The following GAL3ST4 variants were observed in gnomAD, a reference collection of about 807,000 sequenced individuals.
GAL3ST4 encodes beta-galactose-3-O-sulfotransferase 4.
GAL3ST4 carries 30 observed loss-of-function variants against 31.6 expected under a neutral mutation model. That is an observed-to-expected ratio of 0.95 (90% CI 0.71 to 1.29). The LOEUF is 1.29. Ranked by LOEUF, GAL3ST4 falls within the 50% of genes most tolerant of loss-of-function variation. The probability of loss-of-function intolerance (pLI) is 0.00; values close to 1 mark genes in which losing one functional copy is unlikely to be tolerated. For missense variants in GAL3ST4, 629 were observed against 625.2 expected (o/e 1.01, Z -0.06); for synonymous variants, 248 against 256.9 (o/e 0.97, Z 0.33).
chr7:100,159,858 G>A lies in GAL3ST4; in HGVS notation c.*70C>T, dbSNP rs1438554438. The A allele has an allele frequency of 1.5e-6, 2 of 1,292,508 alleles. No homozygotes were observed. Among genetic ancestry groups the A allele is most frequent in the Non-Finnish European group, 2.2e-6 (2 of 927,084 alleles). 80.1% of individuals were successfully genotyped at this position (1,292,508 alleles called of 1,614,324 possible). On this transcript the variant is annotated 3_prime_UTR_variant, in exon 4 of 4. Coordinates refer to ENST00000360039, the MANE Select transcript of GAL3ST4 (RefSeq NM_024637.5). ...CTGGGAGATGCAGAAATGGCATCTT[G>A]CTGCCCCCCACTCATCACATGTGCC...
chr7:100,166,404 G>C (rs948658897), intron 3 of GAL3ST4, 98 bp downstream of exon 3: 1 of 1,284,388 alleles, frequency 7.8e-7, no homozygotes, highest in Admixed American at 2.2e-5. Flanking sequence ...AGGGTGAGAT[G>C]ATGCCTGGGG....
At position 100,160,492 on chromosome 7, in the gene GAL3ST4, G is replaced by A; in HGVS notation, c.897C>T (p.Asp299=). Reference sequence around the variant, plus strand: ...CGAAGTACTCAGCCACCATGACCAGGTCAAAGACAGAGTCCAGCCATGCCA... The same window carrying A: ...CGAAGTACTCAGCCACCATGACCAGATCAAAGACAGAGTCCAGCCATGCCA... ...WGLAWLDSVF[D]LVMVAEYFDE... is the part of the protein sequence containing the mutation. Residue 299 remains aspartate (D), a synonymous_variant, in exon 4 of 4, where the codon GAC becomes GAT. Coordinates refer to ENST00000360039, the MANE Select transcript of GAL3ST4 (RefSeq NM_024637.5). 1 of 1,614,066 alleles carries A rather than the reference G, an allele frequency of 6.2e-7. No individual in the cohort carries two copies. The highest frequency in any genetic ancestry group is 8.5e-7 in the Non-Finnish European group (1 of 1,180,028).
rs1798973353 is a variant in GAL3ST4, at chr7:100,160,153, C to T, written c.1236G>A (p.Glu412=). ...CAGTGATGTATTTGGGGTCAGAAGCCTCACCCCCTACCAGACAATGTTTCG... is the reference window on the plus strand; with the variant it reads ...CAGTGATGTATTTGGGGTCAGAAGCTTCACCCCCTACCAGACAATGTTTCG... ...ALAKHCLVGG[E]ASDPKYITDR... is the part of the protein sequence containing the mutation. The change falls in exon 4 of 4, where the codon GAG becomes GAA. Residue 412 remains glutamate, a synonymous_variant. Transcript: ENST00000360039. 6.2e-7 allele frequency: 1 copy of T among 1,613,752 alleles called. No homozygotes were observed. Among genetic ancestry groups the T allele is most frequent in the African/African-American group, 1.3e-5 (1 of 74,920 alleles).
intron 3 of GAL3ST4, 50 bp downstream of exon 3, chr7:100,166,452 G>C (rs1406642091): frequency 1.3e-6 from 2 of 1,555,154 alleles, no homozygotes; most frequent in Non-Finnish European, 8.7e-7. Flanking sequence ...GGTGGTGTCA[G>C]CCTGAGCCCA....
In GAL3ST4 at chr7:100,166,572, C is replaced by T. The variant is rs763411487; in HGVS notation, c.359G>A (p.Arg120His). 78 of 1,614,054 alleles carry T rather than the reference C, an allele frequency of 4.8e-5. No individual in the cohort carries two copies. The highest frequency in any genetic ancestry group is 1.8e-4 in the Admixed American group (11 of 60,004). The change falls in exon 3 of 4, where the codon CGC (arginine) becomes CAC (histidine). Residue 120 changes from arginine to histidine, a missense_variant. Coordinates refer to ENST00000360039, the MANE Select transcript of GAL3ST4 (RefSeq NM_024637.5). The part of the protein sequence containing the change: ...LFQASRVKGY[R>H]PQGGGTQLPF... ...GAGCTGGGTGCCTCCACCCTGTGGG[C>T]GGTAGCCTTTTACCCTAGAGGCCTG...
chr7:100,167,905 A>AT (rs1198797350), intron 1 of GAL3ST4: 3 of 152,278 alleles, frequency 2.0e-5, no homozygotes, highest in Non-Finnish European at 2.9e-5. Context: ...TATAAAGCCC[A>AT]GATCCCTGGA....
intron 3 of GAL3ST4, among the ~76,000 whole-genome samples, chr7:100,164,676 A>T (rs1008823345): frequency 1.3e-5 from 2 of 151,804 alleles, no homozygotes; most frequent in African/African-American, 4.8e-5. Flanking sequence ...ATAAAATAAA[A>T]ATCAAAATTA....
Position 100,168,389 on chromosome 7 carries a change from C to T in GAL3ST4, c.-189+157G>A, listed in dbSNP as rs746875017. Among the ~76,000 whole-genome samples the T allele has an allele frequency of 1.3e-5, 2 of 152,240 alleles. No homozygotes were observed. The highest frequency in any genetic ancestry group is 2.9e-5 in the Non-Finnish European group (2 of 68,046). ...GTTCTTCATTTCCTTCCATCCATCT[C>T]TCCCTTCCCATGATTGGAGATCCCA... On this transcript the variant is annotated intron_variant, in intron 1 of 3. Coordinates refer to ENST00000360039, the MANE Select transcript of GAL3ST4 (RefSeq NM_024637.5). The surrounding 1 kb of genome is among the most constrained non-coding windows in gnomAD (Gnocchi z 4.1).
chr7:100,166,925 C>T, intron 2 of GAL3ST4, 46 bp downstream of exon 2: 1 of 1,580,210 alleles, frequency 6.3e-7, no homozygotes, highest in East Asian at 2.3e-5. Context: ...TGGGGAAGAG[C>T]AAGTACGGGG....
At chr7:100,161,966 G>A (rs538982407) in intron 3 of GAL3ST4, among the ~76,000 whole-genome samples, 74 of 152,160 alleles carry the variant, frequency 4.9e-4, no homozygotes, top group Middle Eastern at 3.4e-3. Flanking sequence ...GGGGCCTGTC[G>A]GGGTGGGGAG....
intron 3 of GAL3ST4, among the ~76,000 whole-genome samples, chr7:100,164,484 G>T (rs986925623): frequency 1.3e-5 from 2 of 152,018 alleles, no homozygotes; most frequent in Non-Finnish European, 2.9e-5. Flanking sequence ...GGTCAACATG[G>T]CGAAACCCTG....
rs776484864 is a variant in GAL3ST4, at chr7:100,160,903, C to T, written c.486G>A (p.Ala162=). The part of the protein sequence containing the change: ...SFFFSIVRDP[A]ALARSAFSYY... ...AGGAGAAGGCAGAGCGAGCCAGAGC[C>T]GCTGGGTCTCGGACAATGGAAAAAA... Residue 162 remains alanine, a synonymous_variant, in exon 4 of 4, where the codon GCG becomes GCA. Transcript: ENST00000360039. The T allele has an allele frequency of 5.0e-6, 8 of 1,613,646 alleles. No individual in the cohort carries two copies. In the East Asian group the frequency reaches 6.7e-5, roughly 13 times the overall value.
chr7:100,160,208 G>A lies in GAL3ST4; in HGVS notation c.1181C>T (p.Ala394Val). The A allele has an allele frequency of 6.2e-7, 1 of 1,614,092 alleles. No individual in the cohort carries two copies. The highest frequency in any genetic ancestry group is 8.5e-7 in the Non-Finnish European group (1 of 1,180,026). ...GGCCTCTCGGCGAGCCCGGAGCTCG[G>A]CCACAGCTGTCTGCAGCCGGCCCTG... ...YGQGRLQTAV[A>V]ELRARREALA... The change falls in exon 4 of 4, where the codon GCC (alanine) becomes GTC (valine). Residue 394 changes from alanine (A) to valine (V), a missense_variant. Physicochemically the swap from Ala to Val is moderately conservative, Grantham distance 64. Coordinates refer to ENST00000360039, the MANE Select transcript of GAL3ST4 (RefSeq NM_024637.5).
rs1057456104 is a variant in GAL3ST4, at chr7:100,166,367, A to C, written c.429+135T>G. 5.4e-6 allele frequency: 5 copies of C among 923,484 alleles called. No homozygotes were observed. In the African/African-American group the frequency reaches 8.3e-5, roughly 15 times the overall value. 57.2% of individuals were successfully genotyped at this position (923,484 alleles called of 1,614,324 possible). A position where few individuals can be genotyped will look rare whatever the true frequency, so the allele number is the denominator to read the frequency against. ...CTGTAGAGAGGATGGCAGGGAGCCC[A>C]ACTTTGTGGCCCCTATGTCCAACTT... On this transcript the variant is annotated intron_variant, in intron 3 of 3. Coordinates refer to ENST00000360039, the MANE Select transcript of GAL3ST4 (RefSeq NM_024637.5).
chr7:100,161,110 G>A (rs752600080), intron 3 of GAL3ST4, 151 bp from the exon 4 acceptor site: 2 of 636,744 alleles, frequency 3.1e-6, no homozygotes, highest in Non-Finnish European at 5.2e-6. Flanking sequence ...TTGCTGAGTG[G>A]CAAGTTACTT....
rs1422621441 is a variant in GAL3ST4, at chr7:100,159,659, G to A, written c.*269C>T. The A allele has an allele frequency of 1.7e-5, 6 of 343,276 alleles. No individual in the cohort carries two copies. Among genetic ancestry groups the A allele is most frequent in the African/African-American group, 4.2e-5 (2 of 47,202 alleles). 21.3% of individuals were successfully genotyped at this position (343,276 alleles called of 1,614,324 possible). On this transcript the variant is annotated 3_prime_UTR_variant, in exon 4 of 4. Transcript: ENST00000360039. ...CGCTTGAACCTGGGAGGCAGAGGTT[G>A]CAGTGAGCCGAGATCATGCCACTGC...
chr7:100,160,824 G>A lies in GAL3ST4; in HGVS notation c.565C>T (p.Leu189=). 6.2e-7 allele frequency: 1 copy of A among 1,614,256 alleles called. No homozygotes were observed. Among genetic ancestry groups the A allele is most frequent in the East Asian group, 2.2e-5 (1 of 44,890 alleles). The part of the protein sequence containing the change: ...FRKSPSLAAF[L]ANPRGFYRPG... The stretch of plus-strand genomic sequence containing the variant: ...CTGTAGAAGCCTCGAGGATTGGCCA[G>A]GAAGGCAGCCAAAGATGGTGACTTG... The change falls in exon 4 of 4, where the codon CTG becomes TTG. Residue 189 remains leucine, a synonymous_variant. Coordinates refer to ENST00000360039, the MANE Select transcript of GAL3ST4 (RefSeq NM_024637.5).
Position 100,160,693 on chromosome 7 carries a change from G to T in GAL3ST4, c.696C>A (p.Pro232=), listed in dbSNP as rs773408980. 4.7e-5 allele frequency: 76 copies of T among 1,613,830 alleles called. No homozygotes were observed. The highest frequency in any genetic ancestry group is 6.2e-5 in the Non-Finnish European group (73 of 1,180,004). The part of the protein sequence containing the change: ...KRAKRGNIHP[P]RDPNPPQLQV... ...GCAGCTGTGGGGGGTTGGGGTCTCT[G>T]GGGGGATGAATATTCCCTCTCTTGG... Residue 232 remains proline (P), a synonymous_variant, in exon 4 of 4, where the codon CCC becomes CCA. Transcript: ENST00000360039.
Position 100,160,916 on chromosome 7 carries a change from A to G in GAL3ST4, c.473T>C (p.Val158Ala). ...GCGAGCCAGAGCCGCTGGGTCTCGGACAATGGAAAAAAAGAAGCTGTCAGA... is the reference window on the plus strand; with the variant it reads ...GCGAGCCAGAGCCGCTGGGTCTCGGGCAATGGAAAAAAAGAAGCTGTCAGA... The part of the protein sequence containing the change: ...MPSDSFFFSI[V>A]RDPAALARSA... Residue 158 changes from valine to alanine, a missense_variant, in exon 4 of 4, where the codon GTC becomes GCC. Physicochemically the swap from Val to Ala is moderately conservative, Grantham distance 64. Coordinates refer to ENST00000360039, the MANE Select transcript of GAL3ST4 (RefSeq NM_024637.5). 1 of 1,607,000 alleles carries G rather than the reference A, an allele frequency of 6.2e-7. No individual in the cohort carries two copies. Among genetic ancestry groups the G allele is most frequent in the South Asian group, 1.1e-5 (1 of 90,224 alleles).
Sources: allele counts gnomAD v4.1 joint callset (sites outside exome capture counted in the v4.1 genomes callset), GRCh38; gene constraint gnomAD v4.1.1; non-coding constraint Gnocchi (gnomAD v3.1); transcripts MANE v1.5; gene names NCBI Gene and HGNC (gene_info 2026-07-23, HGNC 2026-07-21).